GSG1L: variants seen among roughly 807,000 people sequenced by gnomAD.
GSG1L encodes GSG1 like, also known as germ cell-specific gene 1-like protein.
GSG1L carries 24 observed loss-of-function variants against 42.1 expected under a neutral mutation model. The observed-to-expected ratio is 0.57, with a 90% confidence interval of 0.41 to 0.80. The LOEUF (loss-of-function observed/expected upper bound fraction) is 0.80. Among genes scored for constraint, GSG1L ranks in the 30% least tolerant of loss-of-function variants. GSG1L has a pLI of 0.00. For missense variants in GSG1L, 445 were observed against 472.2 expected (o/e 0.94, Z 0.53); for synonymous variants, 215 against 203.5 (o/e 1.06, Z -0.48).
At chr16:27,944,621 CAAA>C (rs34204819) in intron 2 of GSG1L, among the ~76,000 whole-genome samples, 6 of 111,574 alleles carry the variant, frequency 5.4e-5, no homozygotes, top group African/African-American at 6.2e-5. Context: ...GACTCTGCCT[CAAA>C]AAAAAAAAAA....
chr16:27,803,801 A>C (rs1423354988), intron 6 of GSG1L, among the ~76,000 whole-genome samples: 1 of 21,784 alleles, frequency 4.6e-5, no homozygotes, highest in Non-Finnish European at 1.1e-4. Context: ...ATATAGATAG[A>C]TAGATATAGA....
chr16:28,029,909 G>A (rs1275325776), intron 1 of GSG1L, among the ~76,000 whole-genome samples: 2 of 152,130 alleles, frequency 1.3e-5, no homozygotes, highest in Non-Finnish European at 2.9e-5. Context: ...GGCCGTGTGT[G>A]TTCACGCACG....
At chr16:27,974,530 T>A (rs1342185915) in intron 1 of GSG1L, among the ~76,000 whole-genome samples, 2 of 152,110 alleles carry the variant, frequency 1.3e-5, no homozygotes, top group Non-Finnish European at 2.9e-5. Context: ...TCCTACTGGG[T>A]CTACAGGAAT....
At chr16:27,807,399 G>A (rs773701082) in intron 6 of GSG1L, 88 bp downstream of exon 6, 20 of 1,061,674 alleles carry the variant, frequency 1.9e-5, no homozygotes, top group African/African-American at 3.1e-5. Flanking sequence ...TGGGGGGTGG[G>A]GGCTGGCCTG....
rs34003980 is a variant in GSG1L at position 28,012,893 on chromosome 16, C to CAA, written c.350-49692_350-49691dup. Reference sequence around the variant, plus strand: ...GCCTGGGCAACAGAGCAAGAACTCTCAAAAAAAAAAAAAAAAGTTACTTCA... The same window carrying CAA: ...GCCTGGGCAACAGAGCAAGAACTCTCAAAAAAAAAAAAAAAAAAGTTACTTCA... On this transcript the variant is annotated intron_variant, in intron 1 of 6. Transcript: ENST00000447459. Among the ~76,000 whole-genome samples, 820 of 128,398 alleles carry CAA rather than the reference C, an allele frequency of 6.4e-3. 10 individuals carry two copies. The highest frequency in any genetic ancestry group is 0.021 in the Middle Eastern group (5 of 242). 84.2% of individuals were successfully genotyped at this position (128,398 alleles called of 152,430 possible).
At chr16:28,017,880 G>A (rs538390637) in intron 1 of GSG1L, among the ~76,000 whole-genome samples, 1 of 152,270 alleles carries the variant, frequency 6.6e-6, no homozygotes, top group East Asian at 1.9e-4. Flanking sequence ...ACTTTGGGGA[G>A]GGACGGGATG....
At chr16:27,953,644 C>T (rs1263282423) in intron 2 of GSG1L, among the ~76,000 whole-genome samples, 1 of 152,024 alleles carries the variant, frequency 6.6e-6, no homozygotes, top group Non-Finnish European at 1.5e-5. Context: ...TTTGGGAGGC[C>T]AAGGTGGGCA....
intron 2 of GSG1L, among the ~76,000 whole-genome samples, chr16:27,909,477 CTT>C (rs1467004042): frequency 6.9e-6 from 1 of 145,608 alleles, no homozygotes; most frequent in Non-Finnish European, 1.5e-5. Flanking sequence ...GCCTTGAACT[CTT>C]AGGCTCAAGC....
intron 6 of GSG1L, among the ~76,000 whole-genome samples, chr16:27,805,901 C>T (rs1030495051): frequency 1.3e-5 from 2 of 151,898 alleles, no homozygotes; most frequent in Admixed American, 6.6e-5. Flanking sequence ...GGGACCTCCA[C>T]CCAGGCCCCC....
intron 1 of GSG1L, among the ~76,000 whole-genome samples, chr16:27,966,046 G>A (rs927669045): frequency 1.5e-4 from 23 of 152,110 alleles, no homozygotes; most frequent in Non-Finnish European, 2.8e-4. Context: ...AACGTGCCGG[G>A]CATTCTCCTG....
chr16:27,809,096 G>A (rs889491185), intron 5 of GSG1L, among the ~76,000 whole-genome samples: 1 of 152,138 alleles, frequency 6.6e-6, no homozygotes, highest in Non-Finnish European at 1.5e-5. Context: ...GTCCTCTCAA[G>A]TAAGAACAAC....
At chr16:27,837,559 T>C (rs753891441) in intron 4 of GSG1L, among the ~76,000 whole-genome samples, 12 of 152,184 alleles carry the variant, frequency 7.9e-5, no homozygotes, top group Non-Finnish European at 1.2e-4. Context: ...GATGTTCTTA[T>C]TACTACAAGG....
At chr16:27,834,796 G>A (rs2083306214) in intron 4 of GSG1L, among the ~76,000 whole-genome samples, 1 of 152,078 alleles carries the variant, frequency 6.6e-6, no homozygotes, top group Admixed American at 6.5e-5. Context: ...TTGGCATTTT[G>A]TGTCTCTCCT....
intron 3 of GSG1L, chr16:27,850,335 C>T (rs2083496144): frequency 1.4e-5 from 5 of 352,646 alleles, no homozygotes; most frequent in Non-Finnish European, 1.1e-5. Flanking sequence ...CTTGAAATGC[C>T]TATTTTATAT....
intron 2 of GSG1L, among the ~76,000 whole-genome samples, chr16:27,893,604 A>G (rs1445196297): frequency 2.0e-5 from 3 of 152,144 alleles, no homozygotes; most frequent in Admixed American, 6.5e-5. Flanking sequence ...TTTTTTAGAG[A>G]CAAGGTCTCA....
At chr16:27,962,989 G>C (rs900402581) in intron 2 of GSG1L, among the ~76,000 whole-genome samples, 167 bp downstream of exon 2, 2 of 152,192 alleles carry the variant, frequency 1.3e-5, no homozygotes, top group Admixed American at 1.3e-4. Flanking sequence ...ACTCCACTGA[G>C]AGCTCAAGAA....
At position 28,050,074 on chromosome 16, in the gene GSG1L, T is replaced by C. The variant is rs76793856; in HGVS notation, c.349+13002A>G. On this transcript the variant is annotated intron_variant, in intron 1 of 6. Transcript: ENST00000447459. The stretch of plus-strand genomic sequence containing the variant: ...AGAAGAAGACCTGGGACAGAATAGG[T>C]GTTTAATAGATGTGATGAATGAATG... 6.4e-3 allele frequency among the ~76,000 whole-genome samples: 979 copies of C among 152,216 alleles called. 10 individuals carry two copies. Among genetic ancestry groups the C allele is most frequent in the Middle Eastern group, 0.01 (3 of 294 alleles).
chr16:27,859,782 C>A (rs573381568), intron 3 of GSG1L, among the ~76,000 whole-genome samples: 1 of 152,308 alleles, frequency 6.6e-6, no homozygotes, highest in East Asian at 1.9e-4. Flanking sequence ...CTCAAGTGAT[C>A]CTCCCATCTC....
At chr16:27,908,085 T>C (rs1307657370) in intron 2 of GSG1L, among the ~76,000 whole-genome samples, 1 of 152,222 alleles carries the variant, frequency 6.6e-6, no homozygotes, top group East Asian at 1.9e-4. Flanking sequence ...GCCATGGGAC[T>C]TGCTTTGGCC....
Sources: gnomAD v4.1 joint callset for allele counts (sites outside exome capture counted in the v4.1 genomes callset) on GRCh38, gnomAD v4.1.1 for gene constraint, MANE v1.5 for transcripts, NCBI Gene and HGNC (gene_info 2026-07-23, HGNC 2026-07-21) for gene names.